The following CSF2RA variants were observed in gnomAD, a reference collection of about 807,000 sequenced individuals.
CSF2RA encodes colony stimulating factor 2 receptor subunit alpha, also known as granulocyte-macrophage colony-stimulating factor receptor subunit alpha.
A neutral mutation model predicts 51.6 loss-of-function variants in CSF2RA; 42 were observed. The observed-to-expected ratio is 0.81, with a 90% CI of 0.64 to 1.05. CSF2RA has a LOEUF of 1.05. CSF2RA is among the 50% of genes least tolerant of loss of function. The pLI, the probability that CSF2RA is intolerant of heterozygous loss-of-function variation, is 0.00. For synonymous variants in CSF2RA, 222 were observed against 193.0 expected (o/e 1.15, Z -1.24); for missense variants, 530 against 501.1 (o/e 1.06, Z -0.55).
At chrX:1,284,842 T>A (rs1354890224) in intron 3 of CSF2RA, among the ~76,000 whole-genome samples, 1 of 151,912 alleles carries the variant, frequency 6.6e-6, no homozygotes, top group Non-Finnish European at 1.5e-5. Flanking sequence ...TTTTTTTGTA[T>A]TTTTAGTAGA....
At chrX:1,276,790 C>G (rs1304356870) in intron 2 of CSF2RA, among the ~76,000 whole-genome samples, 1 of 152,060 alleles carries the variant, frequency 6.6e-6, no homozygotes, top group South Asian at 2.1e-4. Flanking sequence ...GAGGCATATC[C>G]TGGCCTCCTA....
chrX:1,304,235 C>T lies in CSF2RA; in HGVS notation c.1043+216C>T, dbSNP rs1245994705. 5.0e-5 allele frequency among the ~76,000 whole-genome samples: 4 copies of T among 79,384 alleles called. 1 individual carries two copies. The highest frequency in any genetic ancestry group is 9.2e-5 in the Non-Finnish European group (4 of 43,318). The allele number at this position is 79,384 out of a possible 152,430, so 52.1% of individuals were successfully genotyped here. On this transcript the variant is annotated intron_variant, in intron 11 of 12. Transcript: ENST00000381529. ...CATCCTGGCTAACACAGTGAAACCC[C>T]GTCTCTACTAAAAAATTAGCCCGGC...
chrX:1,286,414 C>G (rs1446814774), intron 4 of CSF2RA, among the ~76,000 whole-genome samples: 7 of 151,616 alleles, frequency 4.6e-5, no homozygotes, highest in African/African-American at 1.5e-4. Context: ...ACTAAAAATA[C>G]AAAAATTAGT....
chrX:1,318,893 G>A, the CSF2RA span, among the ~76,000 whole-genome samples: 9 of 146,104 alleles, frequency 6.2e-5, no homozygotes, highest in Admixed American at 5.5e-4. Context: ...CTCCAGCCTG[G>A]GTTACAGAGC....
At chrX:1,302,188 T>C (rs1439241807) in intron 10 of CSF2RA, among the ~76,000 whole-genome samples, 15 of 152,082 alleles carry the variant, frequency 9.9e-5, no homozygotes, top group Non-Finnish European at 1.9e-4. Context: ...AGTGCTGCAA[T>C]GACAGGCGTG....
At chrX:1,288,063 A>C (rs1279372463) in intron 4 of CSF2RA, among the ~76,000 whole-genome samples, 6 of 151,470 alleles carry the variant, frequency 4.0e-5, no homozygotes, top group African/African-American at 1.5e-4. Flanking sequence ...CAGCACTGCT[A>C]GAGTATAAGA....
intron 1 of CSF2RA, among the ~76,000 whole-genome samples, chrX:1,270,374 G>T (rs1297437487): frequency 5.3e-5 from 8 of 151,898 alleles, no homozygotes; most frequent in Non-Finnish European, 1.0e-4. Context: ...CGAGTAGCTG[G>T]GTCAAAGGCA....
rs778857668 is a variant in CSF2RA, at chrX:1,294,588, G to C, written c.780+127G>C. On this transcript the variant is annotated intron_variant, in intron 8 of 12. Coordinates refer to ENST00000381529, the MANE Select transcript of CSF2RA (RefSeq NM_172245.4). Reference sequence around the variant, plus strand: ...GCGTGGGTGGTGAGCGGTGACTCTGGGGTGAACGCACTTCGGGTAGCGGAG... The same window carrying C: ...GCGTGGGTGGTGAGCGGTGACTCTGCGGTGAACGCACTTCGGGTAGCGGAG... The C allele has an allele frequency of 3.3e-5, 41 of 1,255,410 alleles. No individual in the cohort carries two copies. In the South Asian group the frequency reaches 5.0e-4, roughly 15 times the overall value. 77.8% of individuals were successfully genotyped at this position (1,255,410 alleles called of 1,614,324 possible).
chrX:1,316,808 C>T, the CSF2RA span, among the ~76,000 whole-genome samples: 8 of 152,372 alleles, frequency 5.3e-5, no homozygotes, highest in South Asian at 1.4e-3. Context: ...CCTGTGTGGA[C>T]ACAAAACCAG....
chrX:1,287,464 G>C (rs2090864517), intron 4 of CSF2RA, among the ~76,000 whole-genome samples: 1 of 145,162 alleles, frequency 6.9e-6, no homozygotes, highest in African/African-American at 2.6e-5. Flanking sequence ...TATTTTTTGG[G>C]ATGGAGTCTC....
intron 2 of CSF2RA, among the ~76,000 whole-genome samples, chrX:1,276,991 C>G (rs1369523739): frequency 1.3e-5 from 2 of 151,684 alleles, no homozygotes; most frequent in African/African-American, 2.4e-5. Context: ...CCCAGCTACT[C>G]GAGAGGCTGA....
At chrX:1,294,239 A>T in intron 7 of CSF2RA, 89 bp from the exon 8 acceptor site, 2 of 1,509,690 alleles carry the variant, frequency 1.3e-6, no homozygotes, top group Non-Finnish European at 1.8e-6. Context: ...CCCAGTGTAG[A>T]CAGGAGGAGA....
At chrX:1,269,738 G>C (rs1478434418) in intron 1 of CSF2RA, among the ~76,000 whole-genome samples, 1 of 152,034 alleles carries the variant, frequency 6.6e-6, no homozygotes, top group Non-Finnish European at 1.5e-5. Context: ...CAGACTTCAA[G>C]AACGGGTTCT....
chrX:1,274,799 C>G lies in CSF2RA; in HGVS notation c.-46C>G, dbSNP rs1222840163. 3 of 453,316 alleles carry G rather than the reference C, an allele frequency of 6.6e-6. No individual in the cohort carries two copies. Among genetic ancestry groups the G allele is most frequent in the Non-Finnish European group, 8.8e-6 (2 of 226,692 alleles). The allele number at this position is 453,316 out of a possible 1,614,324, so 28.1% of individuals were successfully genotyped here. A position where few individuals can be genotyped will look rare whatever the true frequency, so the allele number is the denominator to read the frequency against. ...TGGAGACAGCAGATCCGAGAAGCGG[C>G]GATGTTTGCGTAGAACCCTGTACGT... On this transcript the variant is annotated 5_prime_UTR_variant, in exon 2 of 13. Coordinates refer to ENST00000381529, the MANE Select transcript of CSF2RA (RefSeq NM_172245.4).
chrX:1,315,770 AATAGATAGATAGATAGATAG>A, the CSF2RA span, among the ~76,000 whole-genome samples: 349 of 124,570 alleles, frequency 2.8e-3, 3 homozygotes, highest in African/African-American at 8.5e-3. Flanking sequence ...TAAAATAGAT[AATAGATAGATAGATAGATAG>A]ATAGATAGAT....
chrX:1,285,412 G>A (rs1290226910), intron 3 of CSF2RA, among the ~76,000 whole-genome samples: 6 of 151,964 alleles, frequency 3.9e-5, no homozygotes, highest in Admixed American at 1.3e-4. Flanking sequence ...AAACAGGGCC[G>A]GCCGGGCACG....
chrX:1,298,879 C>T (rs777709873), intron 9 of CSF2RA, among the ~76,000 whole-genome samples: 90 of 152,158 alleles, frequency 5.9e-4, no homozygotes, highest in African/African-American at 2.0e-3. Context: ...GCCTGCCCCA[C>T]GTCTACCTGG....
chrX:1,308,626 C>G (rs1242594059), intron 12 of CSF2RA, among the ~76,000 whole-genome samples: 1 of 152,118 alleles, frequency 6.6e-6, no homozygotes, highest in East Asian at 1.9e-4. Context: ...TAGGTAACAT[C>G]CTCCTGGTTG....
chrX:1,281,411 A>C (rs368637005), intron 2 of CSF2RA, among the ~76,000 whole-genome samples: 1,779 of 11,438 alleles, frequency 0.16, no homozygotes, highest in Admixed American at 0.2. Context: ...GCCTTCTCCT[A>C]CTCCTCCTTC....
Sources: gnomAD v4.1 joint callset for allele counts (sites outside exome capture counted in the v4.1 genomes callset) on GRCh38, gnomAD v4.1.1 for gene constraint, MANE v1.5 for transcripts, NCBI Gene and HGNC (gene_info 2026-07-23, HGNC 2026-07-21) for gene names.